VWA8: variants seen among roughly 807,000 people sequenced by gnomAD.
The protein encoded by VWA8 is von Willebrand factor A domain-containing protein 8.
A neutral mutation model predicts 241.5 loss-of-function variants in VWA8; 221 were observed. The ratio of observed to expected loss-of-function variants is 0.91; its 90% CI spans 0.82 to 1.02. VWA8 has a LOEUF of 1.02. VWA8 is among the 50% of genes least tolerant of loss of function. VWA8 has a pLI of 0.00. For missense variants in VWA8, 2,322 were observed against 2,328.7 expected (o/e 1.00, Z 0.06); for synonymous variants, 852 against 827.1 (o/e 1.03, Z -0.52).
chr13:41,875,259 C>G lies in VWA8; in HGVS notation c.1081-6782G>C, dbSNP rs545606795. Among the ~76,000 whole-genome samples, 3 of 152,150 alleles carry G rather than the reference C, an allele frequency of 2.0e-5. No individual in the cohort carries two copies. The South Asian group carries it at 6.2e-4, about 32-fold the overall frequency. On this transcript the variant is annotated intron_variant, in intron 9 of 44. Coordinates refer to ENST00000379310, the MANE Select transcript of VWA8 (RefSeq NM_015058.2). ...TATGGCAGCTTCATCATTCCAGTTC[C>G]TGAGTGGAAAGCATGTTCTTCCATC...
chr13:41,907,331 T>A (rs1247728610), intron 4 of VWA8, among the ~76,000 whole-genome samples: 5 of 152,186 alleles, frequency 3.3e-5, no homozygotes, highest in Admixed American at 2.6e-4. Context: ...AGGAAACAAT[T>A]TAAAATTATG....
chr13:41,721,615 T>A, intron 24 of VWA8, 40 bp from the exon 25 acceptor site: 1 of 1,566,868 alleles, frequency 6.4e-7, no homozygotes, highest in Non-Finnish European at 8.6e-7. Flanking sequence ...ATGCAACAAA[T>A]CCATTACGAT....
chr13:41,745,832 A>G (rs141989736), intron 21 of VWA8, among the ~76,000 whole-genome samples: 83 of 152,296 alleles, frequency 5.4e-4, no homozygotes, highest in Non-Finnish European at 8.2e-4. Flanking sequence ...TAGAAATACC[A>G]TTTGACCCAG....
chr13:41,825,289 C>T (rs1440707292), intron 14 of VWA8, among the ~76,000 whole-genome samples: 1 of 152,152 alleles, frequency 6.6e-6, no homozygotes, highest in Admixed American at 6.5e-5. Context: ...CAGTTATCTC[C>T]AATCATCAGT....
At chr13:41,790,521 A>G (rs1261077534) in intron 17 of VWA8, among the ~76,000 whole-genome samples, 1 of 152,054 alleles carries the variant, frequency 6.6e-6, no homozygotes, top group Admixed American at 6.6e-5. Flanking sequence ...AGAAACAGTT[A>G]ATCTTCATTT....
intron 14 of VWA8, among the ~76,000 whole-genome samples, chr13:41,819,769 G>A (rs1357127621): frequency 1.3e-5 from 2 of 152,070 alleles, no homozygotes; most frequent in Non-Finnish European, 2.9e-5. Flanking sequence ...AGAATCTCCT[G>A]TCTCACAAGG....
intron 2 of VWA8, among the ~76,000 whole-genome samples, chr13:41,922,017 C>T (rs555736895): frequency 1.3e-5 from 2 of 152,322 alleles, no homozygotes; most frequent in South Asian, 4.1e-4. Flanking sequence ...AGGCATCACA[C>T]TACCTGACTT....
At chr13:41,592,330 G>A (rs1408715054) in intron 40 of VWA8, among the ~76,000 whole-genome samples, 1 of 123,984 alleles carries the variant, frequency 8.1e-6, no homozygotes, top group Non-Finnish European at 1.7e-5. Context: ...GTGGGGGGAG[G>A]GGGGAGGGGA....
At chr13:41,721,655 A>C in intron 24 of VWA8, 80 bp from the exon 25 acceptor site, 1 of 1,428,492 alleles carries the variant, frequency 7.0e-7, no homozygotes, top group South Asian at 1.4e-5. Flanking sequence ...TGGTTGTTTA[A>C]AGAGCCACTG....
At chr13:41,570,257 ATTAAT>A (rs995122019) in intron 44 of VWA8, among the ~76,000 whole-genome samples, 4 of 152,086 alleles carry the variant, frequency 2.6e-5, no homozygotes, top group South Asian at 2.1e-4. Flanking sequence ...CTAAAAAATA[ATTAAT>A]TTAAAATTAT....
At chr13:41,843,596 C>A (rs1275001770) in intron 12 of VWA8, among the ~76,000 whole-genome samples, 1 of 151,766 alleles carries the variant, frequency 6.6e-6, no homozygotes, top group Non-Finnish European at 1.5e-5. Flanking sequence ...AGACCACTAG[C>A]GAAATTAATA....
intron 2 of VWA8, among the ~76,000 whole-genome samples, chr13:41,946,597 T>C (rs1396317381): frequency 2.0e-5 from 3 of 151,756 alleles, no homozygotes; most frequent in Non-Finnish European, 4.4e-5. Context: ...CTAAACAAGA[T>C]TGTTTTAGGT....
At chr13:41,747,560 T>G (rs555964313) in intron 21 of VWA8, among the ~76,000 whole-genome samples, 1 of 152,314 alleles carries the variant, frequency 6.6e-6, no homozygotes, top group South Asian at 2.1e-4. Flanking sequence ...ACAATTTGAC[T>G]TCTTCTTTTC....
In VWA8 at chr13:41,861,142, C is replaced by T. The variant is rs575658407; in HGVS notation, c.1425+4594G>A. 2.0e-4 allele frequency among the ~76,000 whole-genome samples: 30 copies of T among 151,938 alleles called. No individual in the cohort carries two copies. The East Asian group carries it at 3.9e-3, about 20-fold the overall frequency. On this transcript the variant is annotated intron_variant, in intron 12 of 44. Transcript: ENST00000379310. Reference sequence around the variant, plus strand: ...AGGAGAATCGCGTGAACCTGGGAGGCGGAGGTTGCCGTGAGCCGAGACTGC... The same window carrying T: ...AGGAGAATCGCGTGAACCTGGGAGGTGGAGGTTGCCGTGAGCCGAGACTGC...
chr13:41,886,875 AAC>A (rs765235422), intron 6 of VWA8, 45 bp from the exon 7 acceptor site: 11 of 1,422,646 alleles, frequency 7.7e-6, no homozygotes, highest in African/African-American at 1.4e-5. Flanking sequence ...CAAGAAATGT[AAC>A]AGATTAAATG....
At chr13:41,946,911 C>T (rs899629297) in intron 2 of VWA8, among the ~76,000 whole-genome samples, 9 of 152,310 alleles carry the variant, frequency 5.9e-5, no homozygotes, top group South Asian at 4.1e-4. Context: ...ATCCAGAACC[C>T]GCCCATCCTC....
chr13:41,812,780 T>C (rs1593789301), intron 16 of VWA8, among the ~76,000 whole-genome samples: 1 of 152,150 alleles, frequency 6.6e-6, no homozygotes, highest in African/African-American at 2.4e-5. Flanking sequence ...AAAAACACAT[T>C]CTAAGTTTCA....
chr13:41,660,552 T>C (rs1258460393), intron 37 of VWA8, among the ~76,000 whole-genome samples: 2 of 152,176 alleles, frequency 1.3e-5, no homozygotes, highest in African/African-American at 2.4e-5. Context: ...TAAAGAGAGA[T>C]TGAGGACTCC....
intron 20 of VWA8, among the ~76,000 whole-genome samples, chr13:41,773,154 A>G (rs1868409040): frequency 6.6e-6 from 1 of 152,246 alleles, no homozygotes; most frequent in Non-Finnish European, 1.5e-5. Context: ...TTATGTGATT[A>G]AAATAGGCAT....
Sources: gnomAD v4.1 joint callset for allele counts (sites outside exome capture counted in the v4.1 genomes callset) on GRCh38, gnomAD v4.1.1 for gene constraint, MANE v1.5 for transcripts, NCBI Gene and HGNC (gene_info 2026-07-23, HGNC 2026-07-21) for gene names.